ZBTB5: variants seen among roughly 807,000 people sequenced by gnomAD.
ZBTB5 encodes the protein zinc finger and BTB domain-containing protein 5.
In ZBTB5, 15 loss-of-function variants were observed where a neutral mutation model predicts 37.9. The ratio of observed to expected loss-of-function variants is 0.40; its 90% CI spans 0.26 to 0.61. ZBTB5 has a LOEUF of 0.61. Among genes scored for constraint, ZBTB5 ranks in the 20% least tolerant of loss-of-function variants. The probability of loss-of-function intolerance (pLI) is 0.47; values close to 1 mark genes in which losing one functional copy is unlikely to be tolerated. For synonymous variants in ZBTB5, 315 were observed against 312.4 expected (o/e 1.01, Z -0.09); for missense variants, 708 against 856.8 (o/e 0.83, Z 2.17).
chr9:37,441,447 C>G lies in ZBTB5; in HGVS notation c.1105G>C (p.Asp369His). The change falls in exon 2 of 2, where the codon GAC becomes CAC. Residue 369 changes from aspartate to histidine, a missense_variant. Physicochemically the swap from Asp to His is moderately conservative, Grantham distance 81. Around this residue, in one of 3 missense-constraint regions of ZBTB5, gnomAD observed 639 missense variants for 690.5 expected, o/e 0.93. Coordinates refer to ENST00000307750, the MANE Select transcript of ZBTB5 (RefSeq NM_014872.3). ...CGATCACTGCTTTCAGGGCTGAGGT[C>G]TATCTTCTCGGCACTGACCACAACT... ...EGVVVSAEKI[D>H]LSPESSDRSF... The G allele has an allele frequency of 1.2e-6, 2 of 1,613,674 alleles. No individual in the cohort carries two copies.
chr9:37,464,003 A>G (rs1268367659), intron 1 of ZBTB5, among the ~76,000 whole-genome samples: 1 of 152,226 alleles, frequency 6.6e-6, no homozygotes, highest in Non-Finnish European at 1.5e-5. Flanking sequence ...GTTAAAAGGA[A>G]GAGTGAACGG....
chr9:37,454,641 AATG>A (rs1452496193), intron 1 of ZBTB5, among the ~76,000 whole-genome samples: 1 of 152,258 alleles, frequency 6.6e-6, no homozygotes, highest in African/African-American at 2.4e-5. Context: ...CTTTTCTAAT[AATG>A]CTTTACTTAG....
chr9:37,439,865 A>C lies in ZBTB5; in HGVS notation c.*653T>G, dbSNP rs1823823929. 6.5e-6 allele frequency: 1 copy of C among 152,800 alleles called. No individual in the cohort carries two copies. Among genetic ancestry groups the C allele is most frequent in the South Asian group, 2.1e-4 (1 of 4,838 alleles). 9.5% of individuals were successfully genotyped at this position (152,800 alleles called of 1,614,324 possible). The stretch of plus-strand genomic sequence containing the variant: ...TTTTAAACCAGAAAAAACTGTTAAA[A>C]CATCTATCCAACAGTGATGTATTCA... On this transcript the variant is annotated 3_prime_UTR_variant, in exon 2 of 2. Transcript: ENST00000307750.
At chr9:37,458,932 A>T (rs1017650061) in intron 1 of ZBTB5, among the ~76,000 whole-genome samples, 3 of 152,252 alleles carry the variant, frequency 2.0e-5, no homozygotes, top group Admixed American at 1.3e-4. Flanking sequence ...CACTTAAGAA[A>T]ATACCACTTG....
intron 1 of ZBTB5, among the ~76,000 whole-genome samples, chr9:37,461,186 TCCCACAACCAAATG>T (rs1318048367): frequency 6.6e-6 from 1 of 152,216 alleles, no homozygotes; most frequent in Non-Finnish European, 1.5e-5. Context: ...TCTGGGCTCC[TCCCACAACCAAATG>T]CCCAAACACT....
intron 1 of ZBTB5, among the ~76,000 whole-genome samples, chr9:37,458,181 C>T (rs1451038697): frequency 6.6e-6 from 1 of 152,212 alleles, no homozygotes; most frequent in Non-Finnish European, 1.5e-5. Context: ...GCAGCAGGAA[C>T]AATCAGGTCA....
Position 37,441,829 on chromosome 9 carries a change from C to T in ZBTB5, c.723G>A (p.Val241=), listed in dbSNP as rs371049063. ...EFFSPDSLKI[V]DNPKADGMTD... ...TCATTCCATCAGCTTTAGGATTATCCACAATTTTCAGAGAATCTGGTGAAA... is the reference window on the plus strand; with the variant it reads ...TCATTCCATCAGCTTTAGGATTATCTACAATTTTCAGAGAATCTGGTGAAA... Residue 241 remains valine, a synonymous_variant, in exon 2 of 2, where the codon GTG becomes GTA. Transcript: ENST00000307750. 5 of 1,614,084 alleles carry T rather than the reference C, an allele frequency of 3.1e-6. No homozygotes were observed. The South Asian group carries it at 5.5e-5, about 18-fold the overall frequency.
chr9:37,442,629 A>G, intron 1 of ZBTB5, 74 bp from the exon 2 acceptor site: 1 of 1,261,668 alleles, frequency 7.9e-7, no homozygotes, highest in South Asian at 1.5e-5. Context: ...GGTATGATGA[A>G]AAGAGTGGAA....
chr9:37,453,042 ACTGT>A (rs754373698), intron 1 of ZBTB5, among the ~76,000 whole-genome samples: 94 of 152,250 alleles, frequency 6.2e-4, no homozygotes, highest in Non-Finnish European at 9.8e-4. Context: ...AACAGATGCT[ACTGT>A]CTATTAGTAA....
At chr9:37,450,321 A>G (rs1206332916) in intron 1 of ZBTB5, among the ~76,000 whole-genome samples, 1 of 152,186 alleles carries the variant, frequency 6.6e-6, no homozygotes, top group Non-Finnish European at 1.5e-5. Context: ...TCAAAAAAAA[A>G]GCAAGTAAGT....
chr9:37,439,100 T>C lies in ZBTB5; in HGVS notation c.*1418A>G, dbSNP rs1823799840. 6.6e-6 allele frequency: 1 copy of C among 152,206 alleles called. No homozygotes were observed. The highest frequency in any genetic ancestry group is 2.4e-5 in the African/African-American group (1 of 41,460). 9.4% of individuals were successfully genotyped at this position (152,206 alleles called of 1,614,324 possible). A position where few individuals can be genotyped will look rare whatever the true frequency, so the allele number is the denominator to read the frequency against. Reference sequence around the variant, plus strand: ...CTATATAAAACATAAAATGAACTCATGTTCATGCATGAATTAAACTGACTT... The same window carrying C: ...CTATATAAAACATAAAATGAACTCACGTTCATGCATGAATTAAACTGACTT... On this transcript the variant is annotated 3_prime_UTR_variant, in exon 2 of 2. Transcript: ENST00000307750.
intron 1 of ZBTB5, among the ~76,000 whole-genome samples, chr9:37,447,598 A>C (rs1824012589): frequency 6.6e-6 from 1 of 152,134 alleles, no homozygotes; most frequent in South Asian, 2.1e-4. Flanking sequence ...TTACAGGTAT[A>C]ATAACAGTAA....
intron 1 of ZBTB5, among the ~76,000 whole-genome samples, chr9:37,443,623 T>TA (rs1156974196): frequency 2.0e-5 from 3 of 151,564 alleles, no homozygotes; most frequent in Non-Finnish European, 2.9e-5. Flanking sequence ...TCTATCCAAT[T>TA]AAAAAAAACA....
intron 1 of ZBTB5, among the ~76,000 whole-genome samples, chr9:37,450,128 C>G (rs78787215): frequency 6.6e-6 from 1 of 152,066 alleles, no homozygotes; most frequent in East Asian, 1.9e-4. Flanking sequence ...ATTCTGCCAC[C>G]GGCTGGTCGT....
intron 1 of ZBTB5, among the ~76,000 whole-genome samples, chr9:37,445,670 T>C (rs1264675113): frequency 1.3e-5 from 2 of 150,768 alleles, no homozygotes; most frequent in African/African-American, 2.4e-5. Flanking sequence ...AAAAGAAATA[T>C]GGAAGTCAAT....
chr9:37,441,380 T>A lies in ZBTB5; in HGVS notation c.1172A>T (p.Asp391Val). The change falls in exon 2 of 2, where the codon GAT becomes GTT. Residue 391 changes from aspartate (D) to valine (V), a missense_variant. Asp to Val is a radical substitution (Grantham distance 152). Coordinates refer to ENST00000307750, the MANE Select transcript of ZBTB5 (RefSeq NM_014872.3). Reference protein sequence around the residue: ...DPQSSTDRVGDIHILEVTNNL... With the variant: ...DPQSSTDRVGVIHILEVTNNL... The stretch of plus-strand genomic sequence containing the variant: ...ATTTGTGACTTCCAAAATATGGATA[T>A]CACCTACCCTGTCTGTGCTAGACTG... The A allele has an allele frequency of 6.2e-7, 1 of 1,614,098 alleles. No homozygotes were observed. The highest frequency in any genetic ancestry group is 8.5e-7 in the Non-Finnish European group (1 of 1,180,018).
chr9:37,456,181 G>A (rs933298545), intron 1 of ZBTB5, among the ~76,000 whole-genome samples: 2 of 151,976 alleles, frequency 1.3e-5, no homozygotes, highest in African/African-American at 4.8e-5. Flanking sequence ...AAACTCCTGG[G>A]CTCAATCAAT....
In ZBTB5 at chr9:37,440,349, C is replaced by G; in HGVS notation, c.*169G>C. On this transcript the variant is annotated 3_prime_UTR_variant, in exon 2 of 2. Coordinates refer to ENST00000307750, the MANE Select transcript of ZBTB5 (RefSeq NM_014872.3). ...CCTTTCCCAAGACGTGCACTTCACT[C>G]AGAAATGCAGCAGCACAAATACTAC... 1 of 618,722 alleles carries G rather than the reference C, an allele frequency of 1.6e-6. No homozygotes were observed. Among genetic ancestry groups the G allele is most frequent in the Non-Finnish European group, 2.8e-6 (1 of 359,330 alleles). The allele number at this position is 618,722 out of a possible 1,614,324, so 38.3% of individuals were successfully genotyped here.
At chr9:37,446,447 C>A (rs139666586) in intron 1 of ZBTB5, among the ~76,000 whole-genome samples, 6 of 152,198 alleles carry the variant, frequency 3.9e-5, no homozygotes, top group African/African-American at 1.4e-4. Flanking sequence ...AGTTAACTAT[C>A]GGAAAAGCAA....
Sources: gnomAD v4.1 joint callset for allele counts (sites outside exome capture counted in the v4.1 genomes callset) on GRCh38, gnomAD v4.1.1 for gene constraint, gnomAD v4.1.1 regional missense constraint, MANE v1.5 for transcripts, NCBI Gene and HGNC (gene_info 2026-07-23, HGNC 2026-07-21) for gene names.